The following ATP5F1C variants were observed in gnomAD, a reference collection of about 807,000 sequenced individuals.
ATP5F1C encodes the protein ATP synthase F(1) complex subunit gamma, mitochondrial.
ATP5F1C carries 22 observed loss-of-function variants against 37.4 expected under a neutral mutation model. The ratio of observed to expected loss-of-function variants is 0.59; its 90% CI spans 0.42 to 0.84. ATP5F1C has a LOEUF of 0.84. Among genes scored for constraint, ATP5F1C ranks in the 40% least tolerant of loss-of-function variants. ATP5F1C has a pLI of 0.00. For synonymous variants in ATP5F1C, 121 were observed against 128.0 expected (o/e 0.95, Z 0.37); for missense variants, 286 against 362.4 (o/e 0.79, Z 1.71).
chr10:7,802,678 A>C, intron 7 of ATP5F1C, 80 bp from the exon 8 acceptor site: 7 of 1,447,048 alleles, frequency 4.8e-6, no homozygotes, highest in Non-Finnish European at 6.6e-6. Context: ...TTACTTTTAA[A>C]TTAAGCAACA....
intron 4 of ATP5F1C, 82 bp from the exon 5 acceptor site, chr10:7,799,690 A>C: frequency 2.0e-6 from 3 of 1,519,452 alleles, no homozygotes; most frequent in South Asian, 2.4e-5. Context: ...CATGGTGACA[A>C]TGTTTTCTCC....
intron 2 of ATP5F1C, chr10:7,796,585 T>TTC: frequency 7.3e-6 from 1 of 137,316 alleles, no homozygotes; most frequent in Admixed American, 7.5e-5. Context: ...TTAGTACTAT[T>TTC]TCTATTTTTT....
chr10:7,797,864 TA>T (rs1836270887), intron 3 of ATP5F1C, among the ~76,000 whole-genome samples: 1 of 152,236 alleles, frequency 6.6e-6, no homozygotes, highest in South Asian at 2.1e-4. Flanking sequence ...TTAGTCTTCT[TA>T]ATGGAAAAGA....
At chr10:7,806,512 CTGGGCGTGG>C (rs1441350434) in intron 8 of ATP5F1C, among the ~76,000 whole-genome samples, 2 of 152,068 alleles carry the variant, frequency 1.3e-5, no homozygotes, top group Non-Finnish European at 2.9e-5. Flanking sequence ...CAAAAATTAG[CTGGGCGTGG>C]TGGCGGGCAC....
At chr10:7,796,072 G>T in intron 1 of ATP5F1C, 49 bp from the exon 2 acceptor site, 1 of 1,435,594 alleles carries the variant, frequency 7.0e-7, no homozygotes, top group Non-Finnish European at 9.6e-7. Flanking sequence ...CTTGTATAAT[G>T]GAACTATTTT....
intron 1 of ATP5F1C, among the ~76,000 whole-genome samples, chr10:7,791,171 G>A (rs751662326): frequency 6.6e-6 from 1 of 152,052 alleles, no homozygotes; most frequent in Non-Finnish European, 1.5e-5. Context: ...GTGGTGGTAC[G>A]CACCTGTAGT....
At chr10:7,800,978 A>T (rs1242034322) in intron 6 of ATP5F1C, among the ~76,000 whole-genome samples, 1 of 152,222 alleles carries the variant, frequency 6.6e-6, no homozygotes, top group Non-Finnish European at 1.5e-5. Context: ...TTTGCAAGTT[A>T]TGTTTGGGAC....
chr10:7,790,873 A>T (rs1836151851), intron 1 of ATP5F1C, among the ~76,000 whole-genome samples: 1 of 152,254 alleles, frequency 6.6e-6, no homozygotes, highest in Non-Finnish European at 1.5e-5. Flanking sequence ...TTTGCAAAGC[A>T]TGTAGGACAA....
intron 3 of ATP5F1C, among the ~76,000 whole-genome samples, 153 bp from the exon 4 acceptor site, chr10:7,798,837 T>C (rs1215772650): frequency 6.6e-6 from 1 of 152,248 alleles, no homozygotes; most frequent in Non-Finnish European, 1.5e-5. Context: ...GGCCTCAGCT[T>C]ACAGCTGTCC....
chr10:7,806,907 A>G (rs1836493205), intron 8 of ATP5F1C, 67 bp from the exon 9 acceptor site: 1 of 1,382,306 alleles, frequency 7.2e-7, no homozygotes, highest in African/African-American at 1.4e-5. Context: ...TATGTGATTA[A>G]CTAGCATGGA....
At chr10:7,795,126 C>G (rs944850852) in intron 1 of ATP5F1C, among the ~76,000 whole-genome samples, 3 of 152,120 alleles carry the variant, frequency 2.0e-5, no homozygotes, top group Admixed American at 2.0e-4. Flanking sequence ...AGATTTAAAC[C>G]AATTTGCTTT....
intron 3 of ATP5F1C, among the ~76,000 whole-genome samples, 166 bp from the exon 4 acceptor site, chr10:7,798,824 C>T (rs1242785426): frequency 6.6e-6 from 1 of 152,362 alleles, no homozygotes; most frequent in East Asian, 1.9e-4. Context: ...AGCCACTGTG[C>T]CCGGCCTCAG....
At position 7,800,701 on chromosome 10, in the gene ATP5F1C, G is replaced by A. The variant is rs576540003; in HGVS notation, c.637+610G>A. On this transcript the variant is annotated intron_variant, in intron 6 of 9. Coordinates refer to ENST00000356708, the MANE Select transcript of ATP5F1C (RefSeq NM_001001973.3). ...GTAGAGACAGCATTTCACCGTGTTC[G>A]CCAGGCTGGTCTTGAACTCCTGCCC... Among the ~76,000 whole-genome samples the A allele has an allele frequency of 3.9e-3, 588 of 151,922 alleles. 6 individuals carry two copies. The highest frequency in any genetic ancestry group is 0.022 in the South Asian group (108 of 4,810).
In ATP5F1C at chr10:7,806,989, A is replaced by T; in HGVS notation, c.*9A>T. 2 of 1,612,428 alleles carry T rather than the reference A, an allele frequency of 1.2e-6. No individual in the cohort carries two copies. Among genetic ancestry groups the T allele is most frequent in the Non-Finnish European group, 1.7e-6 (2 of 1,178,704 alleles). On this transcript the variant is annotated 3_prime_UTR_variant, in exon 9 of 10. Transcript: ENST00000356708. The stretch of plus-strand genomic sequence containing the variant: ...TAATAACCAGGGATTAATGAAAATC[A>T]AGTTCCATCCTCAGACAAGAGGTAA...
In ATP5F1C at chr10:7,799,918, A is replaced by G; in HGVS notation, c.572+3A>G. 1 of 1,610,464 alleles carries G rather than the reference A, an allele frequency of 6.2e-7. No individual in the cohort carries two copies. Among genetic ancestry groups the G allele is most frequent in the African/African-American group, 1.3e-5 (1 of 74,760 alleles). On this transcript the variant is annotated splice_donor_region_variant and intron_variant, in intron 5 of 9. Transcript: ENST00000356708. ...TCCATCATCTTTAATAAATTCAGGC[A>G]AGACAGATTTAGAAATCAAAGCTTT...
intron 1 of ATP5F1C, among the ~76,000 whole-genome samples, chr10:7,791,941 G>A (rs1156572833): frequency 6.6e-6 from 1 of 152,220 alleles, no homozygotes; most frequent in African/African-American, 2.4e-5. Flanking sequence ...AACATTCTGT[G>A]TTTGTCCAAA....
chr10:7,789,165 G>C (rs1836112229), intron 1 of ATP5F1C, among the ~76,000 whole-genome samples: 1 of 152,068 alleles, frequency 6.6e-6, no homozygotes, highest in Admixed American at 6.6e-5. Flanking sequence ...TTTGAAGCTT[G>C]ACGGAATCTG....
intron 8 of ATP5F1C, 71 bp downstream of exon 8, chr10:7,802,925 T>A: frequency 1.5e-6 from 2 of 1,375,012 alleles, no homozygotes; most frequent in Non-Finnish European, 2.0e-6. Context: ...TTTGGATGCT[T>A]AAAAGTTTTT....
chr10:7,790,359 G>T (rs534375138), intron 1 of ATP5F1C, among the ~76,000 whole-genome samples: 1 of 152,144 alleles, frequency 6.6e-6, no homozygotes, highest in South Asian at 2.1e-4. Flanking sequence ...TTAGGGTATC[G>T]GCAAAATACT....
Sources: gnomAD v4.1 joint callset for allele counts (sites outside exome capture counted in the v4.1 genomes callset) on GRCh38, gnomAD v4.1.1 for gene constraint, MANE v1.5 for transcripts, NCBI Gene and HGNC (gene_info 2026-07-23, HGNC 2026-07-21) for gene names.